The following STAB2 variants were observed in gnomAD, a reference collection of about 807,000 sequenced individuals.
STAB2 encodes the protein stabilin-2.
In STAB2, 288 loss-of-function variants were observed where a neutral mutation model predicts 338.1. The ratio of observed to expected loss-of-function variants is 0.85; its 90% CI spans 0.77 to 0.94. STAB2 has a LOEUF of 0.94. Among genes scored for constraint, STAB2 ranks in the 40% least tolerant of loss-of-function variants. The probability of loss-of-function intolerance (pLI) is 0.00; values close to 1 mark genes in which losing one functional copy is unlikely to be tolerated. For synonymous variants in STAB2, 1,202 were observed against 1,193.3 expected (o/e 1.01, Z -0.15); for missense variants, 3,141 against 3,210.1 (o/e 0.98, Z 0.52).
intron 60 of STAB2, among the ~76,000 whole-genome samples, chr12:103,751,017 A>C (rs1883599397): frequency 6.6e-6 from 1 of 152,246 alleles, no homozygotes; most frequent in Non-Finnish European, 1.5e-5. Context: ...GCCACATAGA[A>C]GTGCAGAGGC....
At chr12:103,606,396 G>T (rs766419588) in intron 3 of STAB2, among the ~76,000 whole-genome samples, 29 of 151,996 alleles carry the variant, frequency 1.9e-4, no homozygotes, top group Non-Finnish European at 4.0e-4. Context: ...TAAAATATTG[G>T]AAAAATATAT....
intron 44 of STAB2, among the ~76,000 whole-genome samples, chr12:103,724,416 T>C (rs887711377): frequency 6.6e-6 from 1 of 152,158 alleles, no homozygotes; most frequent in Non-Finnish European, 1.5e-5. Context: ...AAGGGGCCTA[T>C]GGGGTCAGGT....
At chr12:103,693,103 G>C (rs184414492) in intron 31 of STAB2, among the ~76,000 whole-genome samples, 117 of 152,090 alleles carry the variant, frequency 7.7e-4, no homozygotes, top group African/African-American at 2.7e-3. Flanking sequence ...TTCTGCAATG[G>C]GCCCTTTATC....
chr12:103,596,105 A>G (rs1956871539), intron 3 of STAB2, among the ~76,000 whole-genome samples: 1 of 152,220 alleles, frequency 6.6e-6, no homozygotes, highest in African/African-American at 2.4e-5. Flanking sequence ...TCTGTTAATC[A>G]AATTCAGTGT....
chr12:103,759,586 A>G (rs1025463012), intron 65 of STAB2, among the ~76,000 whole-genome samples: 1 of 152,188 alleles, frequency 6.6e-6, no homozygotes, highest in African/African-American at 2.4e-5. Context: ...TCCAAAGTCA[A>G]ATGACCCCAG....
chr12:103,670,764 G>C lies in STAB2; in HGVS notation c.2328G>C (p.Gln776His). ...CEEGFQGSQC[Q>H]FCSDPNKYGP... ...AGGGCTTCCAAGGCTCCCAGTGTCA[G>C]TTCTGCTCTGATCCCAATAAATACG... Residue 776 changes from glutamine to histidine, a missense_variant, in exon 22 of 69, where the codon CAG (glutamine) becomes CAC (histidine). Coordinates refer to ENST00000388887, the MANE Select transcript of STAB2 (RefSeq NM_017564.10). The C allele has an allele frequency of 6.2e-7, 1 of 1,614,164 alleles. No individual in the cohort carries two copies. The highest frequency in any genetic ancestry group is 8.5e-7 in the Non-Finnish European group (1 of 1,180,024).
At chr12:103,601,681 G>A (rs1326837302) in intron 3 of STAB2, among the ~76,000 whole-genome samples, 1 of 152,178 alleles carries the variant, frequency 6.6e-6, no homozygotes, top group Non-Finnish European at 1.5e-5. Context: ...ATTTGAACCT[G>A]AAGAAATGCC....
intron 22 of STAB2, among the ~76,000 whole-genome samples, chr12:103,672,678 T>C (rs1451553289): frequency 6.6e-6 from 1 of 152,168 alleles, no homozygotes. Flanking sequence ...CCCCCAGTCC[T>C]TGCCAGGTGC....
intron 3 of STAB2, among the ~76,000 whole-genome samples, chr12:103,605,694 A>G (rs569079330): frequency 5.3e-5 from 8 of 151,978 alleles, no homozygotes; most frequent in Non-Finnish European, 1.0e-4. Context: ...TGATGAATTG[A>G]TTCCATTAAC....
rs200259267 is a variant in STAB2, at chr12:103,762,373, C to A, written c.7459C>A (p.Arg2487=). ...LAAYSYFRIN[R]RTIGFQHFES... ...TGCTTACTCCTACTTTCGGATAAAC[C>A]GGAGAACAATCGGCTTCCAGCATTT... is the stretch of plus-strand genomic sequence containing the variant. The change falls in exon 67 of 69, where the codon CGG becomes AGG. Residue 2487 remains arginine, a synonymous_variant. Coordinates refer to ENST00000388887, the MANE Select transcript of STAB2 (RefSeq NM_017564.10). 2 of 1,614,174 alleles carry A rather than the reference C, an allele frequency of 1.2e-6. No homozygotes were observed. The highest frequency in any genetic ancestry group is 1.7e-5 in the Admixed American group (1 of 60,028).
At chr12:103,732,650 C>T (rs955733595) in intron 50 of STAB2, among the ~76,000 whole-genome samples, 2 of 152,008 alleles carry the variant, frequency 1.3e-5, no homozygotes, top group Non-Finnish European at 2.9e-5. Flanking sequence ...TACAAAAATA[C>T]CAAAATGTGC....
At chr12:103,617,639 C>T (rs969625624) in intron 3 of STAB2, among the ~76,000 whole-genome samples, 1 of 152,230 alleles carries the variant, frequency 6.6e-6, no homozygotes, top group Non-Finnish European at 1.5e-5. Context: ...TTTCATGCCA[C>T]TACTAGCCTA....
At chr12:103,648,888 T>A in intron 10 of STAB2, 65 bp downstream of exon 10, 1 of 1,579,188 alleles carries the variant, frequency 6.3e-7, no homozygotes, top group Non-Finnish European at 8.6e-7. Flanking sequence ...ATCTGCAAGA[T>A]ACAATGATTC....
chr12:103,737,653 G>T lies in STAB2; in HGVS notation c.5570G>T (p.Gly1857Val). 6.3e-7 allele frequency: 1 copy of T among 1,584,340 alleles called. No homozygotes were observed. The highest frequency in any genetic ancestry group is 8.6e-7 in the Non-Finnish European group (1 of 1,166,142). ...GRDIGDLFLN[G>V]QTCRIVQREL... ...TCTTAGGGTGACCTCTTTCTGAATG[G>T]CCAAACCTGCAGAATTGTGCAGCGG... is the stretch of plus-strand genomic sequence containing the variant. The change falls in exon 53 of 69, where the codon GGC (glycine) becomes GTC (valine). Residue 1857 changes from glycine to valine, a missense_variant. Gly to Val is a moderately radical substitution (Grantham distance 109, BLOSUM62 -3). Transcript: ENST00000388887.
At chr12:103,681,210 A>G (rs1039395230) in intron 25 of STAB2, among the ~76,000 whole-genome samples, 2 of 152,176 alleles carry the variant, frequency 1.3e-5, no homozygotes, top group African/African-American at 4.8e-5. Flanking sequence ...GAAAAAGCTC[A>G]CTGCAGTCTT....
Position 103,640,136 on chromosome 12 carries a change from G to A in STAB2, c.920G>A (p.Cys307Tyr), listed in dbSNP as rs755546166. ...TGTCTACTGAAGTCTCACTGCGAGT[G>A]TAAGGAGCATTACCAGAATTTCGTA... ...YDGPGQSHCE[C>Y]KEHYQNFVPG... Residue 307 changes from cysteine to tyrosine, a missense_variant, in exon 9 of 69, where the codon TGT becomes TAT. By Grantham distance (194) the Cys-to-Tyr change is radical. Transcript: ENST00000388887. 1 of 1,613,336 alleles carries A rather than the reference G, an allele frequency of 6.2e-7. No individual in the cohort carries two copies. The highest frequency in any genetic ancestry group is 8.5e-7 in the Non-Finnish European group (1 of 1,179,448).
chr12:103,683,422 C>T, intron 26 of STAB2, 122 bp downstream of exon 26: 1 of 810,428 alleles, frequency 1.2e-6, no homozygotes, highest in Non-Finnish European at 1.9e-6. Flanking sequence ...AAAAGGGAAT[C>T]TCTAAGCAGA....
intron 27 of STAB2, among the ~76,000 whole-genome samples, chr12:103,686,384 A>G (rs1471277627): frequency 6.6e-6 from 1 of 152,194 alleles, no homozygotes; most frequent in Non-Finnish European, 1.5e-5. Context: ...TGCACTAGCT[A>G]CAGACCCTGG....
Position 103,706,845 on chromosome 12 carries a change from G to A in STAB2, c.4050G>A (p.Gly1350=). 1 of 1,614,258 alleles carries A rather than the reference G, an allele frequency of 6.2e-7. No individual in the cohort carries two copies. The highest frequency in any genetic ancestry group is 8.5e-7 in the Non-Finnish European group (1 of 1,180,042). ...GCCCCCAATGCCAGCCCTGCCCAGG[G>A]AATGCCCAGAATGTCTGCTTTGGTA... is the stretch of plus-strand genomic sequence containing the variant. ...FFGPQCQPCP[G]NAQNVCFGNG... Residue 1350 remains glycine, a synonymous_variant, in exon 38 of 69, where the codon GGG becomes GGA. Coordinates refer to ENST00000388887, the MANE Select transcript of STAB2 (RefSeq NM_017564.10).
Sources: allele counts gnomAD v4.1 joint callset (sites outside exome capture counted in the v4.1 genomes callset), GRCh38; gene constraint gnomAD v4.1.1; transcripts MANE v1.5; gene names NCBI Gene and HGNC (gene_info 2026-07-23, HGNC 2026-07-21).